TCF12: variants seen among roughly 807,000 people sequenced by gnomAD.
The protein encoded by TCF12 is transcription factor 12.
Under a neutral mutation model 86.0 loss-of-function variants are expected in TCF12, and 45 were observed. That is an observed-to-expected ratio of 0.52 (90% CI 0.41 to 0.67). The LOEUF (loss-of-function observed/expected upper bound fraction) is 0.67. Ranked by LOEUF, TCF12 falls within the 30% of genes least tolerant of loss-of-function variation. The probability of loss-of-function intolerance (pLI) is 0.00; values close to 1 mark genes in which losing one functional copy is unlikely to be tolerated. For synonymous variants in TCF12, 330 were observed against 299.6 expected, an observed-to-expected ratio of 1.10 and a Z score of -1.05; for missense variants, 881 against 859.9, an observed-to-expected ratio of 1.02 and a Z score of -0.31.
chr15:57,007,339 C>G (rs1464962851), intron 3 of TCF12, among the ~76,000 whole-genome samples: 7 of 152,116 alleles, frequency 4.6e-5, no homozygotes, highest in Non-Finnish European at 1.0e-4. Context: ...GAAAGACATT[C>G]CTAGCAAACT....
intron 5 of TCF12, among the ~76,000 whole-genome samples, chr15:57,135,515 G>A (rs2052458840): frequency 1.3e-5 from 2 of 152,092 alleles, no homozygotes; most frequent in African/African-American, 4.8e-5. Flanking sequence ...CAACCTTAAA[G>A]GTGTTTCAGG....
chr15:57,144,857 C>T (rs1359875983), intron 5 of TCF12, among the ~76,000 whole-genome samples: 1 of 152,182 alleles, frequency 6.6e-6, no homozygotes, highest in Non-Finnish European at 1.5e-5. Flanking sequence ...CTGCCTCAAC[C>T]TCCCAAAGTG....
At chr15:56,940,514 C>T (rs1272249584) in intron 3 of TCF12, among the ~76,000 whole-genome samples, 1 of 149,172 alleles carries the variant, frequency 6.7e-6, no homozygotes, top group Admixed American at 6.7e-5. Context: ...TTCTTCTCCT[C>T]CTCCTCCTTC....
At chr15:57,197,659 C>T (rs754646995) in intron 7 of TCF12, 114 bp from the exon 8 acceptor site, 2 of 1,220,596 alleles carry the variant, frequency 1.6e-6, no homozygotes, top group Non-Finnish European at 2.3e-6. Flanking sequence ...GCTGCTTACT[C>T]CCAAATATTG....
chr15:57,215,627 C>T (rs1245345140), intron 8 of TCF12, among the ~76,000 whole-genome samples: 2 of 152,068 alleles, frequency 1.3e-5, no homozygotes, highest in African/African-American at 2.4e-5. Context: ...TGGAATGTTG[C>T]CTGTTTGTTT....
chr15:57,128,635 T>C (rs1269660158), intron 5 of TCF12, among the ~76,000 whole-genome samples: 5 of 152,224 alleles, frequency 3.3e-5, no homozygotes, highest in Admixed American at 2.6e-4. Flanking sequence ...ACCACTAATT[T>C]CTGAACATTT....
Position 57,273,234 on chromosome 15 carries a change from C to T in TCF12, c.1950C>T (p.Val650=), listed in dbSNP as rs77034126. Residue 650 remains valine (V), a synonymous_variant, in exon 19 of 21, where the codon GTC becomes GTT. Coordinates refer to ENST00000333725, the MANE Select transcript of TCF12 (RefSeq NM_207037.2). ...TTATTCTTCATCAAGCCGTGGCAGT[C>T]ATCCTTAGTCTAGAACAGCAAGTCA... ...KLLILHQAVA[V]ILSLEQQVRE... 5.4e-3 allele frequency: 8,712 copies of T among 1,614,126 alleles called. 40 individuals carry two copies. The highest frequency in any genetic ancestry group is 6.5e-3 in the Non-Finnish European group (7,699 of 1,180,010).
chr15:57,122,098 CAAA>C (rs1159877371), intron 5 of TCF12, among the ~76,000 whole-genome samples: 2 of 99,130 alleles, frequency 2.0e-5, no homozygotes, highest in South Asian at 7.2e-4. Context: ...TTTCCTTGTA[CAAA>C]AAAAAAAAAA....
intron 19 of TCF12, among the ~76,000 whole-genome samples, chr15:57,276,493 T>TA (rs1298399955): frequency 6.6e-6 from 1 of 152,196 alleles, no homozygotes; most frequent in Non-Finnish European, 1.5e-5. Flanking sequence ...TAGTGGTACT[T>TA]ATTTGTTTCT....
At chr15:57,116,528 G>A (rs1324891036) in intron 5 of TCF12, among the ~76,000 whole-genome samples, 2 of 151,934 alleles carry the variant, frequency 1.3e-5, no homozygotes, top group Middle Eastern at 3.4e-3. Context: ...GTAATTTTTT[G>A]TAGAGACAGG....
chr15:56,947,309 G>C (rs540326428), intron 3 of TCF12, among the ~76,000 whole-genome samples: 2 of 152,196 alleles, frequency 1.3e-5, no homozygotes, highest in South Asian at 2.1e-4. Context: ...GTGTGTGTGT[G>C]TGATTTGCTC....
At chr15:57,163,848 C>T (rs561528165) in intron 5 of TCF12, among the ~76,000 whole-genome samples, 1 of 152,114 alleles carries the variant, frequency 6.6e-6, no homozygotes, top group Admixed American at 6.6e-5. Context: ...AAGAAGATGG[C>T]AGAGACTGAA....
chr15:57,278,938 C>T, intron 19 of TCF12, among the ~76,000 whole-genome samples: 2 of 79,642 alleles, frequency 2.5e-5, no homozygotes, highest in African/African-American at 9.1e-5. Flanking sequence ...GTCTTCCTTC[C>T]TTCCTTTTTT....
At chr15:57,028,489 G>A (rs1334445460) in intron 3 of TCF12, among the ~76,000 whole-genome samples, 4 of 152,050 alleles carry the variant, frequency 2.6e-5, no homozygotes, top group Non-Finnish European at 5.9e-5. Context: ...TTTTTCATGT[G>A]CTTATTGTTC....
At chr15:57,268,815 A>T (rs1323977877) in intron 18 of TCF12, among the ~76,000 whole-genome samples, 2 of 131,564 alleles carry the variant, frequency 1.5e-5, no homozygotes, top group Admixed American at 8.6e-5. Flanking sequence ...ACTATTCAGA[A>T]TTAACCACTG....
At position 57,013,934 on chromosome 15, in the gene TCF12, C is replaced by CT. The variant is rs1443711827; in HGVS notation, c.149-49810dup. Among the ~76,000 whole-genome samples the CT allele has an allele frequency of 1.7e-4, 26 of 152,196 alleles. 1 individual carries two copies. The highest frequency in any genetic ancestry group is 3.3e-4 in the Admixed American group (5 of 15,284). ...AGCAATTGGATACTTGCTTTCATCT[C>CT]TTTTTTAAAAAAAAATGCTAAGGTG... On this transcript the variant is annotated intron_variant, in intron 3 of 20. Coordinates refer to ENST00000333725, the MANE Select transcript of TCF12 (RefSeq NM_207037.2).
chr15:57,035,539 T>A (rs1278344898), intron 3 of TCF12, among the ~76,000 whole-genome samples: 1 of 152,142 alleles, frequency 6.6e-6, no homozygotes, highest in Admixed American at 6.5e-5. Context: ...AGTATTGGGA[T>A]TGTAGGTGTG....
chr15:57,200,263 T>A (rs1304056261), intron 8 of TCF12, among the ~76,000 whole-genome samples: 1 of 152,102 alleles, frequency 6.6e-6, no homozygotes, highest in Non-Finnish European at 1.5e-5. Flanking sequence ...CTGAAAAGAT[T>A]TTAAAAGAAA....
At chr15:57,219,460 A>T in intron 8 of TCF12, 4 of 1,570,662 alleles carry the variant, frequency 2.5e-6, no homozygotes, top group Non-Finnish European at 3.5e-6. Context: ...GCCTGTGTGG[A>T]TATATGTCTT....
Sources: allele counts gnomAD v4.1 joint callset (sites outside exome capture counted in the v4.1 genomes callset), GRCh38; gene constraint gnomAD v4.1.1; transcripts MANE v1.5; gene names NCBI Gene and HGNC (gene_info 2026-07-23, HGNC 2026-07-21).